ZBTB8OS: variants seen among roughly 807,000 people sequenced by gnomAD.
ZBTB8OS encodes tRNA-splicing ligase-activating factor archease.
In ZBTB8OS, 16 loss-of-function variants were observed where a neutral mutation model predicts 29.3. The observed-to-expected ratio is 0.55, with a 90% CI of 0.37 to 0.83. ZBTB8OS has a LOEUF of 0.83. Ranked by LOEUF, ZBTB8OS falls within the 40% of genes least tolerant of loss-of-function variation. ZBTB8OS has a pLI of 0.00. For synonymous variants in ZBTB8OS, 70 were observed against 64.6 expected (o/e 1.08, Z -0.40); for missense variants, 160 against 196.9 (o/e 0.81, Z 1.12).
At chr1:32,626,227 C>A (rs1645125181) in intron 6 of ZBTB8OS, among the ~76,000 whole-genome samples, 1 of 152,022 alleles carries the variant, frequency 6.6e-6, no homozygotes, top group Non-Finnish European at 1.5e-5. Flanking sequence ...TATAAATACA[C>A]AAATATTTAC....
intron 1 of ZBTB8OS, among the ~76,000 whole-genome samples, chr1:32,637,746 G>T (rs1437203317): frequency 6.6e-6 from 1 of 152,162 alleles, no homozygotes; most frequent in Non-Finnish European, 1.5e-5. Context: ...AGATTGGATG[G>T]AGTGTTGGTT....
intron 1 of ZBTB8OS, among the ~76,000 whole-genome samples, chr1:32,641,334 C>T (rs1248473993): frequency 4.5e-5 from 6 of 132,232 alleles, no homozygotes; most frequent in East Asian, 4.5e-4. Context: ...AGTGCAATGG[C>T]GCGATCTCAG....
chr1:32,634,445 T>A, intron 2 of ZBTB8OS: 1 of 384,548 alleles, frequency 2.6e-6, no homozygotes, highest in Non-Finnish European at 4.7e-6. Context: ...CAGGCTGGTC[T>A]CGAACTCCTG....
chr1:32,622,237 T>C (rs1644807696), intron 6 of ZBTB8OS, among the ~76,000 whole-genome samples: 1 of 152,124 alleles, frequency 6.6e-6, no homozygotes, highest in Admixed American at 6.6e-5. Flanking sequence ...TTTTCATTTA[T>C]AAAATGGGTT....
At chr1:32,646,885 C>A (rs1429705320) in intron 1 of ZBTB8OS, among the ~76,000 whole-genome samples, 1 of 144,090 alleles carries the variant, frequency 6.9e-6, no homozygotes, top group African/African-American at 2.6e-5. Flanking sequence ...AAAAAAAAAA[C>A]ACAAAAATTA....
At chr1:32,629,546 G>C (rs1645376784) in intron 5 of ZBTB8OS, among the ~76,000 whole-genome samples, 1 of 152,042 alleles carries the variant, frequency 6.6e-6, no homozygotes, top group South Asian at 2.1e-4. Context: ...TCCGAACTTG[G>C]TTTACACTTT....
chr1:32,642,385 T>A (rs1180292735), intron 1 of ZBTB8OS, among the ~76,000 whole-genome samples: 2 of 151,412 alleles, frequency 1.3e-5, no homozygotes, highest in African/African-American at 4.9e-5. Flanking sequence ...GCACCTGTAA[T>A]CCCAGCTACT....
intron 1 of ZBTB8OS, 77 bp downstream of exon 1, chr1:32,650,356 G>C (rs1336011592): frequency 3.2e-6 from 5 of 1,577,098 alleles, no homozygotes; most frequent in Non-Finnish European, 4.3e-6. Flanking sequence ...AGTAGAAAGA[G>C]CAGCAGGAAG....
chr1:32,627,073 T>G (rs1645179520), intron 6 of ZBTB8OS, among the ~76,000 whole-genome samples: 1 of 152,164 alleles, frequency 6.6e-6, no homozygotes, highest in South Asian at 2.1e-4. Flanking sequence ...TTAAAACATT[T>G]ATTATCTGTC....
intron 6 of ZBTB8OS, 74 bp downstream of exon 6, chr1:32,627,433 AG>A: frequency 7.7e-7 from 1 of 1,306,528 alleles, no homozygotes; most frequent in Non-Finnish European, 1.1e-6. Flanking sequence ...AACTAACTGA[AG>A]TTGATTGTCA....
Position 32,650,435 on chromosome 1 carries a change from T to A in ZBTB8OS, c.95A>T (p.Glu32Val). 1 of 1,614,176 alleles carries A rather than the reference T, an allele frequency of 6.2e-7. No homozygotes were observed. ...AGAGAAGTAAGCCACCTACTCACAC[T>A]CGTACTTCCTATTGACTGGCGGATA... ...AKYPPVNRKY[E>V]YLDHTADVQL... Residue 32 changes from glutamate to valine, a missense_variant and splice_region_variant, in exon 1 of 7, where the codon GAG (glutamate) becomes GTG (valine). Transcript: ENST00000468695.
intron 4 of ZBTB8OS, among the ~76,000 whole-genome samples, chr1:32,632,589 T>C (rs1354985936): frequency 2.0e-5 from 3 of 152,116 alleles, no homozygotes; most frequent in African/African-American, 4.8e-5. Context: ...TAATTATTGT[T>C]TTTTTGTTTT....
intron 5 of ZBTB8OS, among the ~76,000 whole-genome samples, chr1:32,630,892 A>G (rs1645498951): frequency 6.6e-6 from 1 of 152,086 alleles, no homozygotes; most frequent in African/African-American, 2.4e-5. Flanking sequence ...AGGCGCGTAT[A>G]ATCTCAGCTA....
At chr1:32,646,115 T>C (rs1646808411) in intron 1 of ZBTB8OS, among the ~76,000 whole-genome samples, 1 of 152,050 alleles carries the variant, frequency 6.6e-6, no homozygotes. Flanking sequence ...AGGTCAGGAA[T>C]TCGAGACCAG....
At chr1:32,650,606 C>T, upstream of ZBTB8OS, 1 of 1,612,410 alleles carries the variant, frequency 6.2e-7, no homozygotes, top group Non-Finnish European at 8.5e-7. Flanking sequence ...CCGCTCTAGA[C>T]TCCGCCCCTT....
At position 32,633,963 on chromosome 1, in the gene ZBTB8OS, C is replaced by T. The variant is rs146265623; in HGVS notation, c.232G>A (p.Val78Ile). Reference protein sequence around the residue: ...GTVEPLQTVEVETQGDDLQSL... With the variant: ...GTVEPLQTVEIETQGDDLQSL... ...ATAAATCATTTACCTTGGGTTTCTACTTCTACTGTTTGGAGGGGCTCCACT... is the reference window on the plus strand; with the variant it reads ...ATAAATCATTTACCTTGGGTTTCTATTTCTACTGTTTGGAGGGGCTCCACT... The change falls in exon 3 of 7, where the codon GTA becomes ATA. Residue 78 changes from valine (V) to isoleucine (I), a missense_variant. By Grantham distance (29) the Val-to-Ile change is conservative. Transcript: ENST00000468695. The T allele has an allele frequency of 4.5e-4, 712 of 1,582,340 alleles. 1 individual carries two copies. Among genetic ancestry groups the T allele is most frequent in the Non-Finnish European group, 5.5e-4 (646 of 1,170,840 alleles).
intron 6 of ZBTB8OS, among the ~76,000 whole-genome samples, chr1:32,625,666 G>C (rs1645075971): frequency 6.6e-6 from 1 of 152,172 alleles, no homozygotes; most frequent in Non-Finnish European, 1.5e-5. Flanking sequence ...GAGACTAGGA[G>C]TTTCGGATCA....
chr1:32,648,476 C>T (rs532720706), intron 1 of ZBTB8OS, among the ~76,000 whole-genome samples: 1 of 152,134 alleles, frequency 6.6e-6, no homozygotes, highest in African/African-American at 2.4e-5. Context: ...ATAGCCTAAA[C>T]GTCCATCAAC....
chr1:32,634,888 A>G (rs1238958700), intron 1 of ZBTB8OS, 96 bp from the exon 2 acceptor site: 2 of 886,916 alleles, frequency 2.3e-6, no homozygotes, highest in Non-Finnish European at 3.9e-6. Context: ...TAGGAATATC[A>G]TCTTTAAAGA....
Sources: allele counts gnomAD v4.1 joint callset (sites outside exome capture counted in the v4.1 genomes callset), GRCh38; gene constraint gnomAD v4.1.1; transcripts MANE v1.5; gene names NCBI Gene and HGNC (gene_info 2026-07-23, HGNC 2026-07-21).